The following ABHD2 variants were observed in gnomAD, a reference collection of about 807,000 sequenced individuals.
ABHD2 encodes the protein abhydrolase domain containing 2, acylglycerol lipase.
A neutral mutation model predicts 48.1 loss-of-function variants in ABHD2; 20 were observed. The ratio of observed to expected loss-of-function variants is 0.42; its 90% CI spans 0.29 to 0.60. The LOEUF is 0.60. Among genes scored for constraint, ABHD2 ranks in the 20% least tolerant of loss-of-function variants. The pLI is 0.24. For synonymous variants in ABHD2, 209 were observed against 214.2 expected (o/e 0.98, Z 0.21); for missense variants, 405 against 550.9 (o/e 0.74, Z 2.65).
At chr15:89,095,432 G>C (rs2049597311) in intron 1 of ABHD2, among the ~76,000 whole-genome samples, 1 of 152,176 alleles carries the variant, frequency 6.6e-6, no homozygotes, top group Admixed American at 6.5e-5. Flanking sequence ...ACTTATACTG[G>C]AAATCGTTCT....
chr15:89,123,566 T>C (rs964691684), intron 3 of ABHD2, among the ~76,000 whole-genome samples: 5 of 151,172 alleles, frequency 3.3e-5, no homozygotes, highest in Non-Finnish European at 7.4e-5. Flanking sequence ...TTATTTCTCT[T>C]TTTTTTTCTC....
At chr15:89,057,350 C>G in the ABHD2 span, among the ~76,000 whole-genome samples, 1 of 152,136 alleles carries the variant, frequency 6.6e-6, no homozygotes, top group African/African-American at 2.4e-5. Context: ...AATTCCCTTC[C>G]TTCATCTCCA....
In ABHD2 at chr15:89,150,486, C is replaced by G. The variant is rs868698391; in HGVS notation, c.195-1191C>G. Among the ~76,000 whole-genome samples, 77 of 152,314 alleles carry G rather than the reference C, an allele frequency of 5.1e-4. 1 individual carries two copies. Among genetic ancestry groups the G allele is most frequent in the African/African-American group, 1.7e-3 (71 of 41,574 alleles). On this transcript the variant is annotated intron_variant, in intron 3 of 10. Coordinates refer to ENST00000352732, the MANE Select transcript of ABHD2 (RefSeq NM_152924.5). ...ATTTGCACCTGTGGTGTTACGCTGGCAAGTGGCTTCATGTCCTTAAGGTCT... is the reference window on the plus strand; with the variant it reads ...ATTTGCACCTGTGGTGTTACGCTGGGAAGTGGCTTCATGTCCTTAAGGTCT...
At chr15:89,193,402 C>T (rs2051339566) in intron 10 of ABHD2, 83 bp downstream of exon 10, 3 of 1,072,640 alleles carry the variant, frequency 2.8e-6, no homozygotes, top group East Asian at 4.7e-5. Flanking sequence ...GCTGTCATCT[C>T]CTGGAGACCA....
In ABHD2 at chr15:89,097,830, T is replaced by C. The variant is rs186624972; in HGVS notation, c.-107+9267T>C. ...CTTTTTTATATAACTGGTAGCATAT[T>C]GTACATGTTGTTCTGCTCCTTGTTT... is the stretch of plus-strand genomic sequence containing the variant. On this transcript the variant is annotated intron_variant, in intron 1 of 10. Coordinates refer to ENST00000352732, the MANE Select transcript of ABHD2 (RefSeq NM_152924.5). The surrounding 1 kb of genome is among the most constrained non-coding windows in gnomAD (Gnocchi z 4.2). 3.9e-5 allele frequency among the ~76,000 whole-genome samples: 6 copies of C among 152,342 alleles called. No homozygotes were observed. The highest frequency in any genetic ancestry group is 3.9e-4 in the Admixed American group (6 of 15,294).
the ABHD2 span, among the ~76,000 whole-genome samples, chr15:89,053,881 G>A: frequency 6.6e-6 from 1 of 152,198 alleles, no homozygotes; most frequent in Non-Finnish European, 1.5e-5. Flanking sequence ...TAAGGTGCCA[G>A]CCTCCCGGAC....
At chr15:89,105,439 T>C (rs1002719023) in intron 1 of ABHD2, among the ~76,000 whole-genome samples, 2 of 152,260 alleles carry the variant, frequency 1.3e-5, no homozygotes, top group Admixed American at 6.5e-5. Flanking sequence ...AGATTGAGTG[T>C]GTGACCTTAT....
the ABHD2 span, among the ~76,000 whole-genome samples, chr15:89,081,253 C>T: frequency 6.8e-6 from 1 of 148,022 alleles, no homozygotes; most frequent in African/African-American, 2.5e-5. Flanking sequence ...CTCTTGGGCT[C>T]AAGCAATCCT....
intron 3 of ABHD2, among the ~76,000 whole-genome samples, chr15:89,118,757 A>G (rs2050001999): frequency 6.6e-6 from 1 of 152,294 alleles, no homozygotes; most frequent in East Asian, 1.9e-4. Flanking sequence ...TTGATTCCAT[A>G]CTAATTGTTC....
the ABHD2 span, among the ~76,000 whole-genome samples, chr15:89,063,386 T>C: frequency 6.6e-6 from 1 of 152,152 alleles, no homozygotes; most frequent in African/African-American, 2.4e-5. Context: ...TAGAAAAGCA[T>C]GAAGTATAAG....
the ABHD2 span, among the ~76,000 whole-genome samples, chr15:89,075,882 G>T: frequency 1.3e-5 from 2 of 152,198 alleles, no homozygotes; most frequent in African/African-American, 4.8e-5. This position sits in a 1 kb window ranked among gnomAD's most constrained non-coding sequence, Gnocchi z 4.1. Context: ...CAGGGGGCCT[G>T]GCCACCAGAG....
At position 89,201,991 on chromosome 15, in the gene ABHD2, A is replaced by ATTTTG; in HGVS notation, c.*6582_*6586dup. ...CATCACTTTCACATTCCTGATTCTGATTTTGTTTTGTTTTGTTTGGGTTTT... is the reference window on the plus strand; with the variant it reads ...CATCACTTTCACATTCCTGATTCTGATTTTGTTTTGTTTTGTTTTGTTTGGGTTTT... On this transcript the variant is annotated 3_prime_UTR_variant, in exon 11 of 11. Transcript: ENST00000352732. 2.1e-6 allele frequency: 1 copy of ATTTTG among 465,952 alleles called. No homozygotes were observed. Among genetic ancestry groups the ATTTTG allele is most frequent in the Non-Finnish European group, 3.8e-6 (1 of 260,368 alleles). 28.9% of individuals were successfully genotyped at this position (465,952 alleles called of 1,614,324 possible). A position where few individuals can be genotyped will look rare whatever the true frequency, so the allele number is the denominator to read the frequency against.
chr15:89,064,756 A>G, the ABHD2 span, among the ~76,000 whole-genome samples: 1 of 152,304 alleles, frequency 6.6e-6, no homozygotes, highest in East Asian at 1.9e-4. Flanking sequence ...TGCTTAATAG[A>G]CTTTTCAGTG....
chr15:89,062,786 G>A, the ABHD2 span, among the ~76,000 whole-genome samples: 5 of 152,076 alleles, frequency 3.3e-5, no homozygotes, highest in East Asian at 5.8e-4. Flanking sequence ...GAAGCTGTTC[G>A]ATTATCACAT....
At chr15:89,052,688 C>T in the ABHD2 span, among the ~76,000 whole-genome samples, 1 of 152,172 alleles carries the variant, frequency 6.6e-6, no homozygotes, top group East Asian at 1.9e-4. Flanking sequence ...AGCAGGGGAG[C>T]AGCATGGAAC....
At chr15:89,077,183 G>A in the ABHD2 span, among the ~76,000 whole-genome samples, 1 of 152,116 alleles carries the variant, frequency 6.6e-6, no homozygotes, top group Non-Finnish European at 1.5e-5. Context: ...CAAAGGTCAG[G>A]TGACTTTTTC....
chr15:89,162,341 C>G (rs2050775382), intron 5 of ABHD2, among the ~76,000 whole-genome samples: 1 of 152,150 alleles, frequency 6.6e-6, no homozygotes, highest in African/African-American at 2.4e-5. Flanking sequence ...CCATATATTG[C>G]AATTGGCTGA....
At chr15:89,134,720 A>G (rs1813094605) in intron 3 of ABHD2, among the ~76,000 whole-genome samples, 1 of 152,156 alleles carries the variant, frequency 6.6e-6, no homozygotes, top group African/African-American at 2.4e-5. Context: ...GAAAATTGAC[A>G]TGTTTGTGAT....
At chr15:89,171,872 C>A (rs1473844058) in intron 5 of ABHD2, among the ~76,000 whole-genome samples, 1 of 152,158 alleles carries the variant, frequency 6.6e-6, no homozygotes, top group South Asian at 2.1e-4. Flanking sequence ...GATCCCACCC[C>A]CAGACGTTCT....
Sources: gnomAD v4.1 joint callset for allele counts (sites outside exome capture counted in the v4.1 genomes callset) on GRCh38, gnomAD v4.1.1 for gene constraint, Gnocchi (gnomAD v3.1) non-coding constraint, MANE v1.5 for transcripts, NCBI Gene and HGNC (gene_info 2026-07-23, HGNC 2026-07-21) for gene names.